KCTD8: variants seen among roughly 807,000 people sequenced by gnomAD.
KCTD8 encodes the protein BTB/POZ domain-containing protein KCTD8.
In KCTD8, 27 loss-of-function variants were observed where a neutral mutation model predicts 31.5. The ratio of observed to expected loss-of-function variants is 0.86; its 90% CI spans 0.63 to 1.18. The LOEUF is 1.18. Ranked by LOEUF, KCTD8 falls within the 50% of genes most tolerant of loss-of-function variation. The probability of loss-of-function intolerance (pLI) is 0.00; values close to 1 mark genes in which losing one functional copy is unlikely to be tolerated. For synonymous variants in KCTD8, 290 were observed against 280.0 expected (o/e 1.04, Z -0.36); for missense variants, 658 against 647.7 (o/e 1.02, Z -0.17).
At chr4:44,322,051 A>G (rs1300895211) in intron 1 of KCTD8, among the ~76,000 whole-genome samples, 2 of 152,022 alleles carry the variant, frequency 1.3e-5, no homozygotes, top group Non-Finnish European at 2.9e-5. Context: ...AAATAATGCT[A>G]TAATAAACAT....
chr4:44,381,510 A>C lies in KCTD8; in HGVS notation c.961+66053T>G, dbSNP rs1419030165. Among the ~76,000 whole-genome samples, 4 of 152,146 alleles carry C rather than the reference A, an allele frequency of 2.6e-5. No homozygotes were observed. In the East Asian group the frequency reaches 7.7e-4, roughly 29 times the overall value. On this transcript the variant is annotated intron_variant, in intron 1 of 1. Transcript: ENST00000360029. ...AAACAGGAACCAAAATTAAGCAGGAATAGCTATACTTAAGTCAAATAAAGT... is the reference window on the plus strand; with the variant it reads ...AAACAGGAACCAAAATTAAGCAGGACTAGCTATACTTAAGTCAAATAAAGT...
intron 1 of KCTD8, among the ~76,000 whole-genome samples, chr4:44,280,720 T>A (rs894457810): frequency 1.3e-5 from 2 of 152,112 alleles, no homozygotes; most frequent in Admixed American, 6.6e-5. Flanking sequence ...CTGTACCATA[T>A]ACACTCTTTT....
rs546995109 is a variant in KCTD8, at chr4:44,275,801, G to A, written c.962-100551C>T. ...CAGAGAGGTTCAAATGCCAGCCTAG[G>A]GAGAATGCTCTCAGCAAAAGGTATG... On this transcript the variant is annotated intron_variant, in intron 1 of 1. Transcript: ENST00000360029. Among the ~76,000 whole-genome samples the A allele has an allele frequency of 1.4e-4, 21 of 152,100 alleles. 1 individual carries two copies. The highest frequency in any genetic ancestry group is 4.3e-4 in the African/African-American group (18 of 41,532).
At chr4:44,352,608 AC>A (rs908992601) in intron 1 of KCTD8, among the ~76,000 whole-genome samples, 1 of 90,288 alleles carries the variant, frequency 1.1e-5, no homozygotes, top group Admixed American at 1.2e-4. Context: ...GAGAATAAAG[AC>A]CAGATTTTTA....
At chr4:44,273,601 C>T (rs1716673360) in intron 1 of KCTD8, among the ~76,000 whole-genome samples, 1 of 151,812 alleles carries the variant, frequency 6.6e-6, no homozygotes, top group Admixed American at 6.6e-5. Flanking sequence ...GAAAAATTTT[C>T]CTAAATTAAA....
At chr4:44,292,169 T>C (rs1717300178) in intron 1 of KCTD8, among the ~76,000 whole-genome samples, 1 of 152,050 alleles carries the variant, frequency 6.6e-6, no homozygotes, top group African/African-American at 2.4e-5. Flanking sequence ...AATACACGTG[T>C]ACCTGTATGT....
At chr4:44,378,686 G>C (rs1227743910) in intron 1 of KCTD8, among the ~76,000 whole-genome samples, 1 of 152,068 alleles carries the variant, frequency 6.6e-6, no homozygotes, top group Non-Finnish European at 1.5e-5. Context: ...AGTTATATTA[G>C]AGTGTAGCTA....
intron 1 of KCTD8, among the ~76,000 whole-genome samples, chr4:44,323,183 G>A (rs1222419378): frequency 1.3e-5 from 2 of 151,938 alleles, no homozygotes; most frequent in Non-Finnish European, 2.9e-5. Flanking sequence ...TGGGTAGCAT[G>A]AATATTTTAT....
At chr4:44,233,629 T>G (rs987279211) in intron 1 of KCTD8, among the ~76,000 whole-genome samples, 2 of 152,204 alleles carry the variant, frequency 1.3e-5, no homozygotes, top group Admixed American at 6.5e-5. Flanking sequence ...GTGGACTATG[T>G]TGCTCTGTCC....
At chr4:44,264,576 G>A (rs1400244912) in intron 1 of KCTD8, among the ~76,000 whole-genome samples, 1 of 152,192 alleles carries the variant, frequency 6.6e-6, no homozygotes, top group Admixed American at 6.5e-5. Flanking sequence ...GCCGAAGCAA[G>A]GCGAGGCATT....
intron 1 of KCTD8, among the ~76,000 whole-genome samples, chr4:44,323,266 G>C (rs1718346055): frequency 6.6e-6 from 1 of 151,960 alleles, no homozygotes; most frequent in Non-Finnish European, 1.5e-5. Context: ...GGTCAAGACA[G>C]GTGGATCACC....
intron 1 of KCTD8, among the ~76,000 whole-genome samples, chr4:44,320,152 C>A (rs923252338): frequency 1.8e-5 from 2 of 110,466 alleles, no homozygotes; most frequent in Non-Finnish European, 3.3e-5. Context: ...CACTGGGTGA[C>A]AGAGCAAGCC....
intron 1 of KCTD8, among the ~76,000 whole-genome samples, chr4:44,317,324 C>A (rs1241281822): frequency 7.8e-6 from 1 of 127,666 alleles, no homozygotes; most frequent in Non-Finnish European, 1.6e-5. Context: ...ACTGCAAGCT[C>A]CGCTTCCCGG....
chr4:44,443,908 T>C (rs1047911746), intron 1 of KCTD8, among the ~76,000 whole-genome samples: 1 of 152,178 alleles, frequency 6.6e-6, no homozygotes, highest in Non-Finnish European at 1.5e-5. Context: ...GCAGCCACAA[T>C]GACACTCAGC....
intron 1 of KCTD8, among the ~76,000 whole-genome samples, chr4:44,409,727 TG>T (rs1458913165): frequency 1.3e-5 from 2 of 152,066 alleles, no homozygotes; most frequent in Non-Finnish European, 2.9e-5. Flanking sequence ...AAAAAGCTTT[TG>T]CATCTTTCCT....
At chr4:44,328,314 G>A (rs189559000) in intron 1 of KCTD8, among the ~76,000 whole-genome samples, 10 of 151,990 alleles carry the variant, frequency 6.6e-5, no homozygotes, top group South Asian at 2.1e-4. Flanking sequence ...TAACCATGTC[G>A]TAATTGACTT....
At chr4:44,298,499 CT>C (rs1717511221) in intron 1 of KCTD8, among the ~76,000 whole-genome samples, 1 of 151,848 alleles carries the variant, frequency 6.6e-6, no homozygotes, top group African/African-American at 2.4e-5. Flanking sequence ...CCACAGTTTC[CT>C]ACATTTTTAG....
At chr4:44,293,647 AG>A (rs1467645298) in intron 1 of KCTD8, among the ~76,000 whole-genome samples, 3 of 152,172 alleles carry the variant, frequency 2.0e-5, no homozygotes, top group African/African-American at 7.2e-5. Context: ...CTGGTGAGTT[AG>A]GTTGGTTAGT....
intron 1 of KCTD8, among the ~76,000 whole-genome samples, chr4:44,209,093 G>C (rs1007058836): frequency 6.6e-6 from 1 of 152,034 alleles, no homozygotes; most frequent in Non-Finnish European, 1.5e-5. Context: ...AAAATGCATT[G>C]ATCTGGAATC....
Sources: gnomAD v4.1 joint callset for allele counts (sites outside exome capture counted in the v4.1 genomes callset) on GRCh38, gnomAD v4.1.1 for gene constraint, MANE v1.5 for transcripts, NCBI Gene and HGNC (gene_info 2026-07-23, HGNC 2026-07-21) for gene names.